GBE1: variants seen among roughly 807,000 people sequenced by gnomAD.
GBE1 encodes 1,4-alpha-glucan-branching enzyme.
GBE1 carries 70 observed loss-of-function variants against 88.8 expected under a neutral mutation model. The ratio of observed to expected loss-of-function variants is 0.79; its 90% CI spans 0.65 to 0.96. The LOEUF is 0.96. GBE1 is among the 40% of genes least tolerant of loss of function. GBE1 has a pLI of 0.00. For missense variants in GBE1, 872 were observed against 871.0 expected, an observed-to-expected ratio of 1.00 and a Z score of -0.01; for synonymous variants, 284 against 300.1, an observed-to-expected ratio of 0.95 and a Z score of 0.56.
At chr3:81,759,151 TGTC>T (rs1434919896) in intron 1 of GBE1, among the ~76,000 whole-genome samples, 3 of 152,186 alleles carry the variant, frequency 2.0e-5, no homozygotes, top group African/African-American at 7.2e-5. Context: ...GTCTCAGGTA[TGTC>T]TTTATCAGCA....
At chr3:81,693,963 T>A (rs1243040987) in intron 2 of GBE1, among the ~76,000 whole-genome samples, 1 of 152,232 alleles carries the variant, frequency 6.6e-6, no homozygotes, top group African/African-American at 2.4e-5. Context: ...ATGTATAAAC[T>A]GTTTTATGAT....
chr3:81,516,771 A>G (rs755838194), intron 14 of GBE1, among the ~76,000 whole-genome samples: 18 of 151,588 alleles, frequency 1.2e-4, no homozygotes, highest in Non-Finnish European at 2.4e-4. Context: ...ACTCTCATAG[A>G]TGACTTTGAG....
chr3:81,740,225 A>G (rs1706326085), intron 1 of GBE1, among the ~76,000 whole-genome samples: 1 of 152,050 alleles, frequency 6.6e-6, no homozygotes, highest in African/African-American at 2.4e-5. Flanking sequence ...ACCCTTTCTC[A>G]AATAATAATA....
intron 12 of GBE1, among the ~76,000 whole-genome samples, chr3:81,551,948 G>C (rs1282658459): frequency 6.6e-6 from 1 of 152,146 alleles, no homozygotes; most frequent in African/African-American, 2.4e-5. Context: ...CTGAATGTTA[G>C]AACTAGGGAA....
At chr3:81,749,453 G>C (rs981427172) in intron 1 of GBE1, among the ~76,000 whole-genome samples, 4 of 152,184 alleles carry the variant, frequency 2.6e-5, no homozygotes, top group Non-Finnish European at 4.4e-5. Flanking sequence ...CCAAAAGTTA[G>C]GGATGGGTGG....
Position 81,705,305 on chromosome 3 carries a change from C to G in GBE1, c.313+139G>C, listed in dbSNP as rs975040963. ...CACCATACAAAGAGCTTAATAAATT[C>G]TAAGGCTCTATCTGAAAAGTCTGAT... On this transcript the variant is annotated intron_variant, in intron 2 of 15. Coordinates refer to ENST00000429644, the MANE Select transcript of GBE1 (RefSeq NM_000158.4). 8.1e-6 allele frequency: 5 copies of G among 619,682 alleles called. No homozygotes were observed. The African/African-American group carries it at 9.8e-5, about 12-fold the overall frequency. 38.4% of individuals were successfully genotyped at this position (619,682 alleles called of 1,614,324 possible). A position where few individuals can be genotyped will look rare whatever the true frequency, so the allele number is the denominator to read the frequency against.
chr3:81,562,207 C>G (rs1229763987), intron 12 of GBE1, among the ~76,000 whole-genome samples: 3 of 152,014 alleles, frequency 2.0e-5, no homozygotes, highest in Non-Finnish European at 4.4e-5. Flanking sequence ...CACAAGTAAA[C>G]AAAGAGGACC....
At chr3:81,722,896 GTATA>G (rs553712949) in intron 1 of GBE1, among the ~76,000 whole-genome samples, 27 of 135,316 alleles carry the variant, frequency 2.0e-4, no homozygotes, top group Non-Finnish European at 2.7e-4. Context: ...GTGTGTGTGT[GTATA>G]TATATATATA....
intron 1 of GBE1, among the ~76,000 whole-genome samples, chr3:81,716,980 A>G (rs1227867720): frequency 6.6e-6 from 1 of 152,214 alleles, no homozygotes; most frequent in Non-Finnish European, 1.5e-5. Context: ...CCATCTGGTC[A>G]GGCCTGGAAG....
At chr3:81,638,603 TA>T (rs2107050844) in intron 7 of GBE1, among the ~76,000 whole-genome samples, 1 of 152,250 alleles carries the variant, frequency 6.6e-6, no homozygotes, top group Non-Finnish European at 1.5e-5. Context: ...CTTTACCAAA[TA>T]AAGGACAACC....
chr3:81,663,585 C>T (rs1223132230), intron 3 of GBE1, among the ~76,000 whole-genome samples: 2 of 152,178 alleles, frequency 1.3e-5, no homozygotes, highest in Non-Finnish European at 2.9e-5. Context: ...TGATCCTATT[C>T]TTCCAGTATA....
intron 1 of GBE1, among the ~76,000 whole-genome samples, chr3:81,737,098 G>A (rs1463723087): frequency 6.6e-6 from 1 of 151,406 alleles, no homozygotes. Context: ...GACAGGTGAG[G>A]AGGAGAAAGA....
chr3:81,714,484 A>C (rs1028643369), intron 1 of GBE1, among the ~76,000 whole-genome samples: 7 of 152,232 alleles, frequency 4.6e-5, no homozygotes, highest in African/African-American at 1.7e-4. Context: ...AATGTATTCA[A>C]TAAGATTGAT....
intron 1 of GBE1, among the ~76,000 whole-genome samples, chr3:81,757,045 A>T (rs990330601): frequency 2.0e-5 from 3 of 152,198 alleles, no homozygotes; most frequent in Admixed American, 2.0e-4. Context: ...TCTTTTATTC[A>T]GTGATTTTTC....
intron 2 of GBE1, among the ~76,000 whole-genome samples, chr3:81,680,146 G>T (rs535002428): frequency 6.6e-6 from 1 of 151,998 alleles, no homozygotes; most frequent in Non-Finnish European, 1.5e-5. Flanking sequence ...TTACTTGACC[G>T]GCTGCAAGCT....
At chr3:81,634,323 T>C (rs1704561073) in intron 7 of GBE1, among the ~76,000 whole-genome samples, 1 of 152,244 alleles carries the variant, frequency 6.6e-6, no homozygotes, top group South Asian at 2.1e-4. Flanking sequence ...TACATGAAAC[T>C]GAAACTCAAA....
At chr3:81,515,066 A>G (rs1702779134) in intron 14 of GBE1, among the ~76,000 whole-genome samples, 1 of 151,618 alleles carries the variant, frequency 6.6e-6, no homozygotes, top group Non-Finnish European at 1.5e-5. Context: ...GAAAGGCTCA[A>G]TGTGAAATCT....
At chr3:81,725,597 CAT>C (rs1490318452) in intron 1 of GBE1, among the ~76,000 whole-genome samples, 7 of 152,182 alleles carry the variant, frequency 4.6e-5, no homozygotes, top group Middle Eastern at 6.8e-3. Flanking sequence ...TAACTGGTAA[CAT>C]GTATTATCAT....
intron 12 of GBE1, among the ~76,000 whole-genome samples, chr3:81,573,867 C>T (rs541950272): frequency 6.6e-6 from 1 of 151,914 alleles, no homozygotes; most frequent in African/African-American, 2.4e-5. Flanking sequence ...TGCATATATA[C>T]ACACATAATT....
Sources: allele counts gnomAD v4.1 joint callset (sites outside exome capture counted in the v4.1 genomes callset), GRCh38; gene constraint gnomAD v4.1.1; transcripts MANE v1.5; gene names NCBI Gene and HGNC (gene_info 2026-07-23, HGNC 2026-07-21).